NCKAP5: variants seen among roughly 807,000 people sequenced by gnomAD.
NCKAP5 encodes nck-associated protein 5.
In NCKAP5, 92 loss-of-function variants were observed where a neutral mutation model predicts 167.0. The observed-to-expected ratio is 0.55, with a 90% CI of 0.47 to 0.66. The LOEUF (loss-of-function observed/expected upper bound fraction) is 0.66. Among genes scored for constraint, NCKAP5 ranks in the 30% least tolerant of loss-of-function variants. NCKAP5 has a pLI of 0.00. For missense variants in NCKAP5, 2,378 were observed against 2,315.0 expected (o/e 1.03, Z -0.56); for synonymous variants, 891 against 877.4 (o/e 1.02, Z -0.27).
rs568407709 is a variant in NCKAP5, at chr2:133,030,604, AAG to A, written c.342-36367_342-36366del. 4.2e-3 allele frequency among the ~76,000 whole-genome samples: 638 copies of A among 152,296 alleles called. 3 individuals are homozygous for A. Among genetic ancestry groups the A allele is most frequent in the South Asian group, 0.014 (66 of 4,818 alleles). On this transcript the variant is annotated intron_variant, in intron 6 of 19. Coordinates refer to ENST00000409261, the MANE Select transcript of NCKAP5 (RefSeq NM_207363.3). The stretch of plus-strand genomic sequence containing the variant: ...AGCATTCTGACTGGTCATTTGGATG[AAG>A]CTAGGTTGACATGTGGAAATCTTAA...
At chr2:133,273,797 CA>C (rs1264100518) in intron 4 of NCKAP5, among the ~76,000 whole-genome samples, 2 of 135,148 alleles carry the variant, frequency 1.5e-5, no homozygotes, top group South Asian at 2.4e-4. Flanking sequence ...TATTAATTTC[CA>C]AAAAAAAATT....
At chr2:133,673,158 A>G in the NCKAP5 span, among the ~76,000 whole-genome samples, 1 of 152,184 alleles carries the variant, frequency 6.6e-6, no homozygotes, top group South Asian at 2.1e-4. Context: ...GACCTGGCCA[A>G]TCAATCACAG....
At chr2:133,391,657 T>A (rs1687417930) in intron 3 of NCKAP5, among the ~76,000 whole-genome samples, 1 of 152,186 alleles carries the variant, frequency 6.6e-6, no homozygotes, top group Non-Finnish European at 1.5e-5. Flanking sequence ...AAATCTAATG[T>A]TGTGTCCAAA....
chr2:132,777,148 G>A (rs1286815003), intron 15 of NCKAP5, among the ~76,000 whole-genome samples: 1 of 152,186 alleles, frequency 6.6e-6, no homozygotes, highest in Non-Finnish European at 1.5e-5. Context: ...AGTGCTTTGG[G>A]TGTCTTCTAA....
At chr2:132,806,673 C>T (rs1036285426) in intron 11 of NCKAP5, among the ~76,000 whole-genome samples, 2 of 152,072 alleles carry the variant, frequency 1.3e-5, no homozygotes, top group Non-Finnish European at 2.9e-5. Flanking sequence ...GATATTAGTC[C>T]TCTGTCAGAT....
intron 2 of NCKAP5, among the ~76,000 whole-genome samples, 185 bp from the exon 3 acceptor site, chr2:133,517,772 G>T (rs959658824): frequency 6.6e-6 from 1 of 152,152 alleles, no homozygotes; most frequent in African/African-American, 2.4e-5. Flanking sequence ...TGTCTTTATG[G>T]CGGCCCCTGT....
intron 4 of NCKAP5, among the ~76,000 whole-genome samples, chr2:133,242,637 A>G (rs535448900): frequency 2.0e-5 from 3 of 152,358 alleles, no homozygotes; most frequent in Admixed American, 6.5e-5. Context: ...ACTGCATGCA[A>G]TATCATCAGC....
chr2:133,604,804 C>A, the NCKAP5 span, among the ~76,000 whole-genome samples: 2 of 152,106 alleles, frequency 1.3e-5, no homozygotes, highest in Admixed American at 6.5e-5. Flanking sequence ...GTCTGGGATA[C>A]CCTGTGTCAG....
At chr2:133,269,588 G>C (rs535416127) in intron 4 of NCKAP5, among the ~76,000 whole-genome samples, 2 of 152,182 alleles carry the variant, frequency 1.3e-5, no homozygotes, top group Non-Finnish European at 2.9e-5. Flanking sequence ...ACAGGACACA[G>C]TGAAGGGAGA....
chr2:133,113,085 C>T (rs762322680), intron 6 of NCKAP5, among the ~76,000 whole-genome samples: 3 of 152,188 alleles, frequency 2.0e-5, no homozygotes. Context: ...TCAAAACAGT[C>T]GCTCCGGCCA....
the NCKAP5 span, among the ~76,000 whole-genome samples, chr2:133,614,069 C>G: frequency 6.6e-6 from 1 of 151,732 alleles, no homozygotes; most frequent in Non-Finnish European, 1.5e-5. Context: ...ACTTTGTCTC[C>G]AAGACTACAC....
At chr2:132,998,531 A>G (rs1445200795) in intron 6 of NCKAP5, among the ~76,000 whole-genome samples, 1 of 152,184 alleles carries the variant, frequency 6.6e-6, no homozygotes, top group Non-Finnish European at 1.5e-5. Flanking sequence ...TATAACCTCT[A>G]TGAATCATGT....
the NCKAP5 span, among the ~76,000 whole-genome samples, chr2:133,625,554 C>T: frequency 6.6e-6 from 1 of 152,110 alleles, no homozygotes; most frequent in African/African-American, 2.4e-5. Context: ...CAGGACTCAA[C>T]ATCCAGCTTG....
chr2:132,947,996 G>A (rs1039438947), intron 8 of NCKAP5, among the ~76,000 whole-genome samples: 5 of 152,266 alleles, frequency 3.3e-5, no homozygotes, highest in Middle Eastern at 3.4e-3. Flanking sequence ...GGGGGATTGC[G>A]AAGTCTTTCT....
chr2:133,619,372 G>A, the NCKAP5 span, among the ~76,000 whole-genome samples: 6 of 151,736 alleles, frequency 4.0e-5, no homozygotes, highest in South Asian at 2.1e-4. Flanking sequence ...ATACTTCAGC[G>A]AAACAGAAAG....
intron 1 of NCKAP5, among the ~76,000 whole-genome samples, chr2:133,564,237 T>G (rs1423879798): frequency 6.6e-6 from 1 of 152,254 alleles, no homozygotes; most frequent in Non-Finnish European, 1.5e-5. Context: ...CATCAGTATT[T>G]TTGCTTGGAC....
chr2:133,321,295 C>T (rs1682035676), intron 3 of NCKAP5, among the ~76,000 whole-genome samples: 1 of 152,184 alleles, frequency 6.6e-6, no homozygotes, highest in Non-Finnish European at 1.5e-5. Flanking sequence ...TAGCACTTTA[C>T]CTAGGTTAGG....
intron 11 of NCKAP5, among the ~76,000 whole-genome samples, chr2:132,835,675 C>A (rs1687841686): frequency 6.6e-6 from 1 of 151,338 alleles, no homozygotes. Flanking sequence ...AGTTTTCATT[C>A]AAATTTTACC....
chr2:133,227,255 AT>A (rs1231668013), intron 4 of NCKAP5, among the ~76,000 whole-genome samples: 1 of 152,226 alleles, frequency 6.6e-6, no homozygotes, highest in Non-Finnish European at 1.5e-5. Context: ...GGCACACTTC[AT>A]AGCTAAACAT....
Sources: gnomAD v4.1 joint callset for allele counts (sites outside exome capture counted in the v4.1 genomes callset) on GRCh38, gnomAD v4.1.1 for gene constraint, MANE v1.5 for transcripts, NCBI Gene and HGNC (gene_info 2026-07-23, HGNC 2026-07-21) for gene names.